The following ST6GALNAC5 variants were observed in gnomAD, a reference collection of about 807,000 sequenced individuals.
ST6GALNAC5 encodes alpha-N-acetylgalactosaminide alpha-2,6-sialyltransferase 5.
Under a neutral mutation model 33.6 loss-of-function variants are expected in ST6GALNAC5, and 27 were observed. That is an observed-to-expected ratio of 0.80 (90% CI 0.59 to 1.11). The LOEUF (loss-of-function observed/expected upper bound fraction) is 1.11, where lower values mean the gene tolerates loss of function less well. Ranked by LOEUF, ST6GALNAC5 falls within the 50% of genes least tolerant of loss-of-function variation. The pLI, the probability that ST6GALNAC5 is intolerant of heterozygous loss-of-function variation, is 0.00. For synonymous variants in ST6GALNAC5, 194 were observed against 171.2 expected (o/e 1.13, Z -1.04); for missense variants, 428 against 454.0 (o/e 0.94, Z 0.52).
At position 77,066,877 on chromosome 1, in the gene ST6GALNAC5, GGTC is replaced by G. The variant is rs920860688; in HGVS notation, c.*3672_*3674del. Among the ~76,000 whole-genome samples, 13 of 152,096 alleles carry G rather than the reference GGTC, an allele frequency of 8.5e-5. No homozygotes were observed. The highest frequency in any genetic ancestry group is 1.6e-4 in the Non-Finnish European group (11 of 68,016). On this transcript the variant is annotated 3_prime_UTR_variant, in exon 5 of 5. Transcript: ENST00000477717. ...AACCAGCAGTCTTTGGTGCTGTTAA[GGTC>G]TTCCTTGTAGGTTTTTAAACTAAAG...
At chr1:76,908,495 G>A (rs1428670996) in intron 2 of ST6GALNAC5, among the ~76,000 whole-genome samples, 2 of 152,164 alleles carry the variant, frequency 1.3e-5, no homozygotes, top group African/African-American at 4.8e-5. Flanking sequence ...GTGGATCTGA[G>A]GGGGACAAAA....
chr1:76,908,280 G>A (rs937051057), intron 2 of ST6GALNAC5, among the ~76,000 whole-genome samples: 1 of 152,128 alleles, frequency 6.6e-6, no homozygotes, highest in Non-Finnish European at 1.5e-5. Flanking sequence ...CAGATTTGAT[G>A]TCAGGTGAAG....
chr1:76,939,834 C>A (rs1647287392), intron 2 of ST6GALNAC5, among the ~76,000 whole-genome samples: 1 of 152,082 alleles, frequency 6.6e-6, no homozygotes, highest in African/African-American at 2.4e-5. Context: ...AACTTATAGT[C>A]CAGCAAATAT....
At chr1:76,895,253 A>G (rs959008312) in intron 2 of ST6GALNAC5, among the ~76,000 whole-genome samples, 1 of 151,930 alleles carries the variant, frequency 6.6e-6, no homozygotes, top group South Asian at 2.1e-4. Flanking sequence ...AGAAAAATAA[A>G]ATGAAATAGT....
chr1:77,006,315 C>T (rs1013114803), intron 2 of ST6GALNAC5, among the ~76,000 whole-genome samples: 60 of 143,414 alleles, frequency 4.2e-4, no homozygotes, highest in Admixed American at 1.8e-3. Flanking sequence ...CCACTACACC[C>T]GGCTAATTTT....
At chr1:76,907,933 T>C (rs1370024389) in intron 2 of ST6GALNAC5, among the ~76,000 whole-genome samples, 1 of 152,160 alleles carries the variant, frequency 6.6e-6, no homozygotes, top group Non-Finnish European at 1.5e-5. Flanking sequence ...TGGTGCATTA[T>C]ATTTATGCGA....
intron 2 of ST6GALNAC5, among the ~76,000 whole-genome samples, chr1:76,886,519 C>T (rs933233830): frequency 6.6e-6 from 1 of 152,130 alleles, no homozygotes; most frequent in Non-Finnish European, 1.5e-5. Flanking sequence ...TGGTTGATGG[C>T]TTTCAAGTAA....
chr1:76,974,796 T>A (rs1334324350), intron 2 of ST6GALNAC5, among the ~76,000 whole-genome samples: 2 of 138,496 alleles, frequency 1.4e-5, no homozygotes, highest in Non-Finnish European at 3.1e-5. Flanking sequence ...TTTTTTTTTT[T>A]TTTGAGGCAG....
intron 2 of ST6GALNAC5, among the ~76,000 whole-genome samples, chr1:76,905,937 G>A (rs1646860215): frequency 6.6e-6 from 1 of 152,166 alleles, no homozygotes; most frequent in Non-Finnish European, 1.5e-5. Context: ...TTAAGATGGA[G>A]AAAGGTGCCT....
At chr1:77,046,901 A>T (rs1652032043) in intron 3 of ST6GALNAC5, among the ~76,000 whole-genome samples, 1 of 152,222 alleles carries the variant, frequency 6.6e-6, no homozygotes, top group Admixed American at 6.5e-5. Flanking sequence ...TAAGCTGATA[A>T]GTTAGATACT....
chr1:77,063,044 CCT>C lies in ST6GALNAC5; in HGVS notation c.853_854del (p.Ser285ProfsTer2). 6.2e-7 allele frequency: 1 copy of C among 1,613,888 alleles called. No individual in the cohort carries two copies. Among genetic ancestry groups the C allele is most frequent in the South Asian group, 1.1e-5 (1 of 91,060 alleles). On this transcript the variant is annotated frameshift_variant, in exon 5 of 5. Transcript: ENST00000477717. LOFTEE classifies it high-confidence loss of function. The stretch of plus-strand genomic sequence containing the variant: ...TTGGACCTGATGAATGTACAATGTA[CCT>C]CTCCCATGAGCGAGGACGCAAGGGC... The part of the protein sequence containing the change: ...PFGPDECTMY[L>X]SHERGRKGSH...
intron 2 of ST6GALNAC5, among the ~76,000 whole-genome samples, chr1:76,983,684 C>G (rs1649356961): frequency 6.6e-6 from 1 of 152,204 alleles, no homozygotes; most frequent in Admixed American, 6.5e-5. Flanking sequence ...GCAGAACTCT[C>G]CACCCCAAAT....
chr1:76,908,741 G>T (rs749444763), intron 2 of ST6GALNAC5, among the ~76,000 whole-genome samples: 1 of 152,024 alleles, frequency 6.6e-6, no homozygotes, highest in Non-Finnish European at 1.5e-5. Flanking sequence ...CTCTGTAACC[G>T]CAGGGTTCCT....
chr1:77,044,555 A>T lies in ST6GALNAC5; in HGVS notation c.613A>T (p.Thr205Ser), dbSNP rs772097291. The change falls in exon 3 of 5, where the codon ACT becomes TCT. Residue 205 changes from threonine (T) to serine (S), a missense_variant. Coordinates refer to ENST00000477717, the MANE Select transcript of ST6GALNAC5 (RefSeq NM_030965.3). ...GCCCCGGCTGAAGGCCTTCATGATT[A>T]CTCGCCACAAGATGCTGCAGTTTGA... ...VLPRLKAFMI[T>S]RHKMLQFDEL... The T allele has an allele frequency of 3.8e-6, 6 of 1,598,678 alleles. No homozygotes were observed. Among genetic ancestry groups the T allele is most frequent in the East Asian group, 2.2e-5 (1 of 44,660 alleles).
At chr1:76,913,143 G>C (rs1200153402) in intron 2 of ST6GALNAC5, among the ~76,000 whole-genome samples, 1 of 151,694 alleles carries the variant, frequency 6.6e-6, no homozygotes, top group Non-Finnish European at 1.5e-5. Context: ...GCATTTGCTT[G>C]TCTGTAAAGG....
At chr1:76,946,899 AT>A (rs1315054690) in intron 2 of ST6GALNAC5, among the ~76,000 whole-genome samples, 4 of 152,150 alleles carry the variant, frequency 2.6e-5, no homozygotes, top group Non-Finnish European at 4.4e-5. Context: ...AGTAGATACG[AT>A]TTATATGGTT....
At chr1:76,930,886 G>A (rs868568721) in intron 2 of ST6GALNAC5, among the ~76,000 whole-genome samples, 1 of 152,144 alleles carries the variant, frequency 6.6e-6, no homozygotes, top group Non-Finnish European at 1.5e-5. Context: ...TTGTGGCAGA[G>A]ACACTCTTAA....
rs999512361 is a variant in ST6GALNAC5, at chr1:76,867,583, G to T, written c.-93G>T. On this transcript the variant is annotated 5_prime_UTR_variant, in exon 1 of 5. Transcript: ENST00000477717. ...CGGCTGCTGGGCAAAAATCAGAGCC[G>T]CCTCCGCCCCATTACCCATCATGGA... 7 of 1,602,288 alleles carry T rather than the reference G, an allele frequency of 4.4e-6. No homozygotes were observed. The highest frequency in any genetic ancestry group is 5.1e-6 in the Non-Finnish European group (6 of 1,169,658).
chr1:76,991,623 C>A (rs1416617230), intron 2 of ST6GALNAC5, among the ~76,000 whole-genome samples: 3 of 152,162 alleles, frequency 2.0e-5, no homozygotes, highest in East Asian at 3.9e-4. Flanking sequence ...AGACAGGTAA[C>A]TTTTTCTATT....
Sources: gnomAD v4.1 joint callset for allele counts (sites outside exome capture counted in the v4.1 genomes callset) on GRCh38, gnomAD v4.1.1 for gene constraint, MANE v1.5 for transcripts, NCBI Gene and HGNC (gene_info 2026-07-23, HGNC 2026-07-21) for gene names.